DNAH3: variants seen among roughly 807,000 people sequenced by gnomAD.
DNAH3 encodes dynein axonemal heavy chain 3.
DNAH3 carries 332 observed loss-of-function variants against 432.5 expected under a neutral mutation model. The ratio of observed to expected loss-of-function variants is 0.77; its 90% CI spans 0.70 to 0.84. DNAH3 has a LOEUF of 0.84. Ranked by LOEUF, DNAH3 falls within the 40% of genes least tolerant of loss-of-function variation. The pLI, the probability that DNAH3 is intolerant of heterozygous loss-of-function variation, is 0.00. For missense variants in DNAH3, 4,861 were observed against 5,114.0 expected, an observed-to-expected ratio of 0.95 and a Z score of 1.51; for synonymous variants, 1,956 against 1,900.2, an observed-to-expected ratio of 1.03 and a Z score of -0.76.
chr16:21,126,302 T>C (rs111810458), intron 8 of DNAH3, among the ~76,000 whole-genome samples: 2,905 of 152,308 alleles, frequency 0.019, 35 homozygotes, highest in Non-Finnish European at 0.029. Context: ...CTCTGATCGC[T>C]AAAAAGGTAC....
At chr16:20,937,550 A>C (rs1328807723) in intron 59 of DNAH3, among the ~76,000 whole-genome samples, 1 of 73,712 alleles carries the variant, frequency 1.4e-5, no homozygotes, top group African/African-American at 5.4e-5. Context: ...TTTTTTTTTG[A>C]GACAGAGTCT....
At chr16:21,132,299 CTAA>C (rs2092576324) in intron 7 of DNAH3, among the ~76,000 whole-genome samples, 1 of 152,190 alleles carries the variant, frequency 6.6e-6, no homozygotes, top group African/African-American at 2.4e-5. Context: ...ACATGAGCTA[CTAA>C]TAAGTTCGGC....
At chr16:20,935,536 G>T in intron 60 of DNAH3, 51 bp from the exon 61 acceptor site, 1 of 1,582,554 alleles carries the variant, frequency 6.3e-7, no homozygotes, top group Non-Finnish European at 8.6e-7. Flanking sequence ...ATCAAAGATA[G>T]TTCAAATGCA....
At chr16:21,050,008 C>T in exon 30 of DNAH3, 1 of 1,613,596 alleles carries the variant, frequency 6.2e-7, no homozygotes, top group South Asian at 1.1e-5. Context: ...TTCAAAGCTC[C>T]CATCAGTGTC....
intron 7 of DNAH3, among the ~76,000 whole-genome samples, chr16:21,130,748 T>C (rs553277114): frequency 3.3e-5 from 5 of 152,356 alleles, no homozygotes; most frequent in African/African-American, 1.2e-4. Context: ...AGTGAAGCTA[T>C]AGGCTCAACA....
At chr16:21,156,162 CTTATTTTATTTTATT>C (rs150133557) in intron 1 of DNAH3, among the ~76,000 whole-genome samples, 173 of 144,700 alleles carry the variant, frequency 1.2e-3, no homozygotes, top group Middle Eastern at 3.7e-3. Flanking sequence ...GGGAGTTATT[CTTATTTTATTTTATT>C]TTATTTTATT....
At chr16:20,982,632 G>C in intron 49 of DNAH3, 89 bp downstream of exon 49, 1 of 1,102,274 alleles carries the variant, frequency 9.1e-7, no homozygotes, top group East Asian at 2.4e-5. Flanking sequence ...TACAAATTGA[G>C]AAATCTTCAA....
At chr16:21,131,794 C>T (rs1260184327) in intron 7 of DNAH3, among the ~76,000 whole-genome samples, 4 of 136,554 alleles carry the variant, frequency 2.9e-5, no homozygotes, top group East Asian at 2.5e-4. Flanking sequence ...GCAGAGGTTG[C>T]GGTGAGCCAA....
chr16:21,097,219 G>C, intron 18 of DNAH3, 136 bp downstream of exon 18: 1 of 1,016,712 alleles, frequency 9.8e-7, no homozygotes, highest in South Asian at 1.4e-5. Context: ...TTTGACTGTG[G>C]CTGCCTTAAT....
At position 21,060,370 on chromosome 16, in the gene DNAH3, CAG is replaced by C. The variant is rs1375103061; in HGVS notation, c.3721-16_3721-15del. On this transcript the variant is annotated splice_polypyrimidine_tract_variant and intron_variant, in intron 25 of 61. Transcript: ENST00000261383. ...TTCCACCATGCCCTATGGAGCAAGA[CAG>C]AGAGAGGGTGCAGCAGTCAACCAAA... 2 of 1,609,380 alleles carry C rather than the reference CAG, an allele frequency of 1.2e-6. No individual in the cohort carries two copies. Among genetic ancestry groups the C allele is most frequent in the African/African-American group, 1.3e-5 (1 of 74,908 alleles).
chr16:20,973,862 A>T (rs1025683298), intron 51 of DNAH3, among the ~76,000 whole-genome samples: 4 of 152,216 alleles, frequency 2.6e-5, no homozygotes, highest in African/African-American at 9.7e-5. Flanking sequence ...GTGGATATCA[A>T]AAGGAAGGGC....
At chr16:20,959,134 T>C (rs1415934963) in intron 54 of DNAH3, 45 bp downstream of exon 54, 12 of 1,591,626 alleles carry the variant, frequency 7.5e-6, no homozygotes, top group Non-Finnish European at 7.8e-6. Flanking sequence ...TCCTGATGTC[T>C]GGAGGTTGGG....
At chr16:21,130,328 A>G (rs1443032294) in intron 7 of DNAH3, among the ~76,000 whole-genome samples, 3 of 145,064 alleles carry the variant, frequency 2.1e-5, no homozygotes, top group Admixed American at 1.4e-4. Context: ...TTTTCTTGAG[A>G]CAGGGTCTCA....
intron 49 of DNAH3, among the ~76,000 whole-genome samples, chr16:20,982,021 T>A (rs116377332): frequency 5.5e-5 from 8 of 144,976 alleles, no homozygotes; most frequent in African/African-American, 2.1e-4. Flanking sequence ...TATAATTAAG[T>A]ATATATATAT....
chr16:21,146,107 AAG>A lies in DNAH3; in HGVS notation c.118-21_118-20del. The A allele has an allele frequency of 6.4e-7, 1 of 1,552,356 alleles. No individual in the cohort carries two copies. The highest frequency in any genetic ancestry group is 8.9e-7 in the Non-Finnish European group (1 of 1,123,972). On this transcript the variant is annotated intron_variant, in intron 1 of 61. Transcript: ENST00000261383. ...TGGCGATCTGTGGGACATGGGAACA[AAG>A]TCACCCTTCAAAAATTAGGGAAGAT...
At position 21,129,109 on chromosome 16, in the gene DNAH3, CA is replaced by C. The variant is rs2092503972; in HGVS notation, c.1083-1298del. 2.0e-5 allele frequency: 3 copies of C among 152,782 alleles called. No homozygotes were observed. In the Admixed American group the frequency reaches 2.0e-4, roughly 10 times the overall value. The allele number at this position is 152,782 out of a possible 1,614,324, so 9.5% of individuals were successfully genotyped here. A position where few individuals can be genotyped will look rare whatever the true frequency, so the allele number is the denominator to read the frequency against. ...CCACTAGGTGCTCTGCACCCTATGC[CA>C]TCTCTCTTGCTCCTGTCCTGCCTGT... On this transcript the variant is annotated intron_variant, in intron 7 of 61. Coordinates refer to ENST00000261383, the Ensembl canonical transcript of DNAH3.
intron 16 of DNAH3, among the ~76,000 whole-genome samples, chr16:21,103,310 A>G (rs1225426070): frequency 2.7e-5 from 4 of 150,094 alleles, no homozygotes; most frequent in South Asian, 2.2e-4. Flanking sequence ...AAACCTATGG[A>G]AAAAAAATCA....
intron 58 of DNAH3, 56 bp from the exon 59 acceptor site, chr16:20,941,599 T>C: frequency 6.3e-7 from 1 of 1,599,296 alleles, no homozygotes. Context: ...AGGCTGTGGC[T>C]TTGGATAAAC....
intron 20 of DNAH3, among the ~76,000 whole-genome samples, chr16:21,080,081 G>A (rs908165008): frequency 1.3e-5 from 2 of 152,100 alleles, no homozygotes; most frequent in Middle Eastern, 3.2e-3. Flanking sequence ...CAGATCACCT[G>A]AGGTCAGGAG....
Sources: gnomAD v4.1 joint callset for allele counts (sites outside exome capture counted in the v4.1 genomes callset) on GRCh38, gnomAD v4.1.1 for gene constraint, MANE v1.5 for transcripts, NCBI Gene and HGNC (gene_info 2026-07-23, HGNC 2026-07-21) for gene names.